Variants in TENM2 observed in about 807,000 individuals in gnomAD.
The protein encoded by TENM2 is teneurin-2.
In TENM2, 52 loss-of-function variants were observed where a neutral mutation model predicts 245.2. The observed-to-expected ratio is 0.21, with a 90% confidence interval of 0.17 to 0.27. The LOEUF is 0.27. TENM2 is among the 10% of genes least tolerant of loss of function. TENM2 has a pLI of 1.00. For missense variants in TENM2, 3,046 were observed against 3,666.8 expected (o/e 0.83, Z 4.37); for synonymous variants, 1,363 against 1,438.9 (o/e 0.95, Z 1.19).
the TENM2 span, among the ~76,000 whole-genome samples, chr5:167,149,657 T>C: frequency 2.0e-5 from 3 of 152,184 alleles, no homozygotes; most frequent in South Asian, 6.2e-4. Context: ...TGTGCTGCTC[T>C]TCCTGATCCA....
chr5:167,018,445 A>G, the TENM2 span, among the ~76,000 whole-genome samples: 1 of 152,166 alleles, frequency 6.6e-6, no homozygotes, highest in South Asian at 2.1e-4. Context: ...AACATAAACC[A>G]GACGTCATCT....
chr5:167,350,411 A>ATATG (rs201320055), intron 1 of TENM2, among the ~76,000 whole-genome samples: 1 of 88,436 alleles, frequency 1.1e-5, no homozygotes, highest in Admixed American at 1.5e-4. Flanking sequence ...ATATACATAT[A>ATATG]TATGTGTGTG....
At chr5:167,099,942 C>T in the TENM2 span, among the ~76,000 whole-genome samples, 1 of 152,150 alleles carries the variant, frequency 6.6e-6, no homozygotes, top group Admixed American at 6.5e-5. Context: ...CACTGCAGTA[C>T]TTTTCATGGG....
chr5:167,779,496 T>A (rs1764037756), intron 2 of TENM2, among the ~76,000 whole-genome samples: 1 of 152,126 alleles, frequency 6.6e-6, no homozygotes, highest in Non-Finnish European at 1.5e-5. Flanking sequence ...AAAATGCACT[T>A]CTATGGTGTC....
intron 2 of TENM2, among the ~76,000 whole-genome samples, chr5:167,521,890 C>A (rs1404547234): frequency 6.6e-6 from 1 of 152,120 alleles, no homozygotes; most frequent in East Asian, 1.9e-4. Context: ...GATTCTCTCT[C>A]TATCTTTCTC....
the TENM2 span, among the ~76,000 whole-genome samples, chr5:167,133,095 A>C: frequency 6.6e-6 from 1 of 152,244 alleles, no homozygotes; most frequent in East Asian, 1.9e-4. Context: ...GCACAAGGCC[A>C]AATGGATAGG....
At chr5:168,196,237 A>G (rs1761418825) in intron 15 of TENM2, among the ~76,000 whole-genome samples, 1 of 152,188 alleles carries the variant, frequency 6.6e-6, no homozygotes, top group South Asian at 2.1e-4. Context: ...CAGTTTCAAC[A>G]ATTACCAGCC....
chr5:168,100,549 C>A lies in TENM2; in HGVS notation c.1813+2422C>A, dbSNP rs149270318. On this transcript the variant is annotated intron_variant, in intron 9 of 28. Coordinates refer to ENST00000518659, the Ensembl canonical transcript of TENM2. ...CACATATACACCACGAAATACTATGCAGCCATAAAAAAGGATGAGTTCATA... is the reference window on the plus strand; with the variant it reads ...CACATATACACCACGAAATACTATGAAGCCATAAAAAAGGATGAGTTCATA... Among the ~76,000 whole-genome samples, 1,196 of 152,262 alleles carry A rather than the reference C, an allele frequency of 7.9e-3. 13 individuals are homozygous for A. The highest frequency in any genetic ancestry group is 0.027 in the African/African-American group (1,129 of 41,546).
intron 2 of TENM2, among the ~76,000 whole-genome samples, chr5:167,542,439 TG>T (rs1772277674): frequency 6.6e-6 from 1 of 152,076 alleles, no homozygotes; most frequent in Non-Finnish European, 1.5e-5. Context: ...TGAATGGGGG[TG>T]TTATCAAAAG....
chr5:167,951,066 TG>T (rs1334467912), intron 3 of TENM2, among the ~76,000 whole-genome samples: 3 of 152,240 alleles, frequency 2.0e-5, no homozygotes, highest in Non-Finnish European at 4.4e-5. Flanking sequence ...TTCTTGTTTT[TG>T]TTGGTCAGGA....
At chr5:168,181,691 T>G (rs1759906903) in intron 13 of TENM2, among the ~76,000 whole-genome samples, 1 of 147,738 alleles carries the variant, frequency 6.8e-6, no homozygotes, top group Non-Finnish European at 1.5e-5. Context: ...TTTTTTTTTT[T>G]TTTGAGACAG....
intron 5 of TENM2, among the ~76,000 whole-genome samples, chr5:168,012,774 G>GAAAAAAAAAAAAAAAAAAAA (rs3056563): frequency 1.3e-5 from 1 of 74,280 alleles, no homozygotes. Context: ...AAGAACAACT[G>GAAAAAAAAAAAAAAAAAAAA]AAAAAAAAAA....
At chr5:167,632,296 A>T (rs1342882115) in intron 2 of TENM2, among the ~76,000 whole-genome samples, 1 of 152,222 alleles carries the variant, frequency 6.6e-6, no homozygotes, top group African/African-American at 2.4e-5. Context: ...TTGGATCCAA[A>T]TATATCAGGT....
intron 2 of TENM2, among the ~76,000 whole-genome samples, chr5:167,858,640 C>A (rs1445744112): frequency 6.6e-6 from 1 of 151,552 alleles, no homozygotes; most frequent in South Asian, 2.1e-4. Flanking sequence ...CGCTGCGGCC[C>A]GGGGCAGTGC....
At chr5:168,224,987 G>T (rs562485313) in intron 23 of TENM2, among the ~76,000 whole-genome samples, 1 of 152,150 alleles carries the variant, frequency 6.6e-6, no homozygotes, top group African/African-American at 2.4e-5. Flanking sequence ...AAAACTCCAC[G>T]GTGTGAGAAA....
At chr5:167,117,279 G>A in the TENM2 span, among the ~76,000 whole-genome samples, 1 of 152,194 alleles carries the variant, frequency 6.6e-6, no homozygotes, top group South Asian at 2.1e-4. Flanking sequence ...CCAGGCGGGT[G>A]GATCATGACG....
At chr5:167,806,021 T>C (rs1766137632) in intron 2 of TENM2, among the ~76,000 whole-genome samples, 1 of 152,158 alleles carries the variant, frequency 6.6e-6, no homozygotes, top group East Asian at 1.9e-4. Flanking sequence ...GTCCAAAGTG[T>C]GCTCCCAAAT....
chr5:167,267,027 T>C, the TENM2 span, among the ~76,000 whole-genome samples: 1 of 152,186 alleles, frequency 6.6e-6, no homozygotes, highest in African/African-American at 2.4e-5. Flanking sequence ...AATCAGCCTG[T>C]TACTTTAAAA....
the TENM2 span, among the ~76,000 whole-genome samples, chr5:167,107,839 A>T: frequency 6.6e-5 from 10 of 152,216 alleles, no homozygotes; most frequent in African/African-American, 2.4e-4. Context: ...AGCCATATTC[A>T]CATAAAAATG....
Sources: gnomAD v4.1 joint callset for allele counts (sites outside exome capture counted in the v4.1 genomes callset) on GRCh38, gnomAD v4.1.1 for gene constraint, MANE v1.5 for transcripts, NCBI Gene and HGNC (gene_info 2026-07-23, HGNC 2026-07-21) for gene names.